Variants in CELF5 observed in about 807,000 individuals in gnomAD.
The protein encoded by CELF5 is CUGBP Elav-like family member 5.
A neutral mutation model predicts 54.9 loss-of-function variants in CELF5; 6 were observed. That is an observed-to-expected ratio of 0.11 (90% confidence interval 0.06 to 0.22). The LOEUF (loss-of-function observed/expected upper bound fraction) is 0.22. Among genes scored for constraint, CELF5 ranks in the 10% least tolerant of loss-of-function variants. The pLI is 1.00. For missense variants in CELF5, 401 were observed against 678.6 expected, an observed-to-expected ratio of 0.59 and a Z score of 4.54; for synonymous variants, 271 against 290.9, an observed-to-expected ratio of 0.93 and a Z score of 0.70.
chr19:3,241,141 AC>A (rs2079485313), intron 1 of CELF5, among the ~76,000 whole-genome samples: 1 of 148,928 alleles, frequency 6.7e-6, no homozygotes, highest in Non-Finnish European at 1.5e-5. Flanking sequence ...GGCTCACTGC[AC>A]CCACCAACTC....
chr19:3,255,593 C>T (rs751590448), intron 2 of CELF5, among the ~76,000 whole-genome samples: 9 of 152,156 alleles, frequency 5.9e-5, no homozygotes, highest in Non-Finnish European at 1.2e-4. Flanking sequence ...ATCCTGCCCT[C>T]TCATTTGTTG....
At position 3,268,451 on chromosome 19, in the gene CELF5, G is replaced by A. The variant is rs1032350387; in HGVS notation, c.343-5421G>A. On this transcript the variant is annotated intron_variant, in intron 2 of 12. Transcript: ENST00000292672. The surrounding 1 kb of genome is among the most constrained non-coding windows in gnomAD (Gnocchi z 4.4). ...CTGGGCACGTCAAGCTGCGAGACTC[G>A]GGGCGTCGTGTCATCTTTCTGGGCC... is the stretch of plus-strand genomic sequence containing the variant. Among the ~76,000 whole-genome samples, 2 of 152,148 alleles carry A rather than the reference G, an allele frequency of 1.3e-5. No homozygotes were observed. Among genetic ancestry groups the A allele is most frequent in the South Asian group, 2.1e-4 (1 of 4,826 alleles).
chr19:3,287,183 TACTC>T (rs1173912370), intron 10 of CELF5, among the ~76,000 whole-genome samples: 1 of 151,702 alleles, frequency 6.6e-6, no homozygotes, highest in African/African-American at 2.4e-5. Context: ...AAGTAGCCAA[TACTC>T]ACAACAACAT....
At chr19:3,227,979 G>T (rs1345537884) in intron 1 of CELF5, among the ~76,000 whole-genome samples, 10 of 152,116 alleles carry the variant, frequency 6.6e-5, no homozygotes, top group Admixed American at 2.6e-4. Context: ...CAGATTCCTA[G>T]AGGCCGTGCT....
chr19:3,266,851 C>T (rs531713801), intron 2 of CELF5, among the ~76,000 whole-genome samples: 14 of 152,314 alleles, frequency 9.2e-5, no homozygotes, highest in South Asian at 6.2e-4. Context: ...CGTCTGAGCA[C>T]GCTCGCTCAT....
rs979158165 is a variant in CELF5, at chr19:3,237,820, C to T, written c.259+12822C>T. 4.0e-4 allele frequency among the ~76,000 whole-genome samples: 61 copies of T among 152,040 alleles called. 1 individual carries two copies. Among genetic ancestry groups the T allele is most frequent in the African/African-American group, 1.4e-3 (59 of 41,486 alleles). On this transcript the variant is annotated intron_variant, in intron 1 of 12. Coordinates refer to ENST00000292672, the MANE Select transcript of CELF5 (RefSeq NM_021938.4). ...ATCCCAGCACTTTGGGAGGCCGAGG[C>T]GGGTGGATCACGAGGTCAGGAGATC...
chr19:3,239,395 G>A (rs991696564), intron 1 of CELF5, among the ~76,000 whole-genome samples: 20 of 151,896 alleles, frequency 1.3e-4, no homozygotes, highest in African/African-American at 1.5e-4. Flanking sequence ...CACCATGCCC[G>A]GCTAATTGTT....
At chr19:3,260,739 C>T (rs1322803555) in intron 2 of CELF5, among the ~76,000 whole-genome samples, 1 of 151,732 alleles carries the variant, frequency 6.6e-6, no homozygotes, top group Non-Finnish European at 1.5e-5. Context: ...TCTCCTGCCT[C>T]AGCCTCCCTA....
chr19:3,258,839 G>A (rs1462016408), intron 2 of CELF5, among the ~76,000 whole-genome samples: 1 of 151,936 alleles, frequency 6.6e-6, no homozygotes, highest in African/African-American at 2.4e-5. Context: ...TTGAACTCCT[G>A]GGCTCAAGCG....
chr19:3,287,370 G>T, intron 10 of CELF5, among the ~76,000 whole-genome samples: 1 of 150,432 alleles, frequency 6.6e-6, no homozygotes, highest in Non-Finnish European at 1.5e-5. Flanking sequence ...GACCAGCCTG[G>T]CCAACATGGT....
chr19:3,239,273 T>G (rs951430360), intron 1 of CELF5, among the ~76,000 whole-genome samples: 1 of 151,784 alleles, frequency 6.6e-6, no homozygotes, highest in Non-Finnish European at 1.5e-5. Flanking sequence ...CTGTTTGTTT[T>G]TTTTTTATTA....
chr19:3,285,877 CGG>C, intron 9 of CELF5, 63 bp from the exon 10 acceptor site: 3 of 1,229,614 alleles, frequency 2.4e-6, no homozygotes, highest in Non-Finnish European at 2.2e-6. Flanking sequence ...CCCCGCCCAG[CGG>C]CCCAGGCCGC....
chr19:3,260,123 T>C (rs1177433307), intron 2 of CELF5, among the ~76,000 whole-genome samples: 2 of 152,240 alleles, frequency 1.3e-5, no homozygotes, highest in Non-Finnish European at 1.5e-5. Context: ...TATTTTTCTT[T>C]TTTTATTTAT....
At position 3,281,355 on chromosome 19, in the gene CELF5, C is replaced by T. The variant is rs1414303013; in HGVS notation, c.750+10C>T. On this transcript the variant is annotated intron_variant, in intron 6 of 12. Coordinates refer to ENST00000292672, the MANE Select transcript of CELF5 (RefSeq NM_021938.4). The surrounding 1 kb of genome is among the most constrained non-coding windows in gnomAD (Gnocchi z 6.5). Reference sequence around the variant, plus strand: ...TGCCTACGCCCAGGCTGTGAGTGACCCAGTGACAGCTTCGGGGCTCCGGCT... The same window carrying T: ...TGCCTACGCCCAGGCTGTGAGTGACTCAGTGACAGCTTCGGGGCTCCGGCT... 6.3e-7 allele frequency: 1 copy of T among 1,590,908 alleles called. No homozygotes were observed. Among genetic ancestry groups the T allele is most frequent in the South Asian group, 1.1e-5 (1 of 90,724 alleles).
At chr19:3,260,960 T>C (rs1037143142) in intron 2 of CELF5, among the ~76,000 whole-genome samples, 1 of 151,548 alleles carries the variant, frequency 6.6e-6, no homozygotes, top group Non-Finnish European at 1.5e-5. Context: ...AGATAAGGTC[T>C]TGCTACATTG....
chr19:3,284,977 C>T lies in CELF5; in HGVS notation c.1102+13C>T. On this transcript the variant is annotated intron_variant, in intron 9 of 12. Coordinates refer to ENST00000292672, the MANE Select transcript of CELF5 (RefSeq NM_021938.4). ...CAGCAGTACACAGGTAGGAGGCAGC[C>T]CGCGTGCCCGCGCTGGGCCCTGGCC... 1 of 1,599,972 alleles carries T rather than the reference C, an allele frequency of 6.3e-7. No homozygotes were observed.
At chr19:3,273,135 A>G (rs781617091) in intron 2 of CELF5, among the ~76,000 whole-genome samples, 1 of 152,116 alleles carries the variant, frequency 6.6e-6, no homozygotes, top group Admixed American at 6.5e-5. Context: ...ACTTTGGTGT[A>G]TCAGTCAGCA....
chr19:3,274,099 G>A (rs1013908499), intron 3 of CELF5, among the ~76,000 whole-genome samples, 176 bp downstream of exon 3: 1 of 152,222 alleles, frequency 6.6e-6, no homozygotes, highest in Admixed American at 6.5e-5. Flanking sequence ...ACACCTTTTG[G>A]TGGGGGGAGA....
chr19:3,260,052 A>G (rs2079786472), intron 2 of CELF5, among the ~76,000 whole-genome samples: 1 of 152,226 alleles, frequency 6.6e-6, no homozygotes. Context: ...TTAATAATAT[A>G]TTTCATTTGA....
Sources: gnomAD v4.1 joint callset for allele counts (sites outside exome capture counted in the v4.1 genomes callset) on GRCh38, gnomAD v4.1.1 for gene constraint, Gnocchi (gnomAD v3.1) non-coding constraint, MANE v1.5 for transcripts, NCBI Gene and HGNC (gene_info 2026-07-23, HGNC 2026-07-21) for gene names.